The following TBC1D23 variants were observed in gnomAD, a reference collection of about 807,000 sequenced individuals.
TBC1D23 encodes HCV non-structural protein 4A-transactivated protein 1.
TBC1D23 carries 55 observed loss-of-function variants against 91.4 expected under a neutral mutation model. The observed-to-expected ratio is 0.60, with a 90% CI of 0.48 to 0.75. The LOEUF is 0.75. Among genes scored for constraint, TBC1D23 ranks in the 30% least tolerant of loss-of-function variants. TBC1D23 has a pLI of 0.00. For missense variants in TBC1D23, 725 were observed against 836.1 expected, an observed-to-expected ratio of 0.87 and a Z score of 1.64; for synonymous variants, 289 against 281.0, an observed-to-expected ratio of 1.03 and a Z score of -0.28.
At chr3:100,318,211 G>A (rs1705788827) in intron 16 of TBC1D23, among the ~76,000 whole-genome samples, 2 of 151,898 alleles carry the variant, frequency 1.3e-5, no homozygotes, top group Admixed American at 1.3e-4. Context: ...TTGTTAGAAA[G>A]CAAAGGACAG....
chr3:100,261,011 C>A lies in TBC1D23; in HGVS notation c.-8C>A. The A allele has an allele frequency of 6.2e-7, 1 of 1,613,688 alleles. No homozygotes were observed. ...CTTTTCGGCAAAGTGACGTGGACGT[C>A]AACAGCAATGGCGGAAGGAGAAGAT... On this transcript the variant is annotated 5_prime_UTR_variant, in exon 1 of 19. Coordinates refer to ENST00000394144, the MANE Select transcript of TBC1D23 (RefSeq NM_001199198.3).
chr3:100,320,223 G>A (rs535394122), intron 17 of TBC1D23, among the ~76,000 whole-genome samples: 1 of 147,628 alleles, frequency 6.8e-6, no homozygotes, highest in East Asian at 2.0e-4. Context: ...GATAACTGTC[G>A]TATTGTATTA....
In TBC1D23 at chr3:100,261,040, C is replaced by T. The variant is rs41272615; in HGVS notation, c.22C>T (p.Pro8Ser). The T allele has an allele frequency of 6.2e-7, 1 of 1,613,904 alleles. No homozygotes were observed. Among genetic ancestry groups the T allele is most frequent in the Non-Finnish European group, 8.5e-7 (1 of 1,179,908 alleles). ...AGCAATGGCGGAAGGAGAAGATGTG[C>T]CGCCGCTGCCAACGTCGAGCGGCGA... MAEGEDV[P>S]PLPTSSGDGW... is the part of the protein sequence containing the mutation. Residue 8 changes from proline (P) to serine (S), a missense_variant, in exon 1 of 19, where the codon CCG becomes TCG. Physicochemically the swap from Pro to Ser is moderately conservative, Grantham distance 74 (BLOSUM62 -1). Coordinates refer to ENST00000394144, the MANE Select transcript of TBC1D23 (RefSeq NM_001199198.3).
intron 1 of TBC1D23, among the ~76,000 whole-genome samples, chr3:100,264,838 C>T (rs1179317400): frequency 6.6e-6 from 1 of 152,152 alleles, no homozygotes; most frequent in Non-Finnish European, 1.5e-5. Flanking sequence ...TTCACTGCTT[C>T]TCAAAATTTA....
At chr3:100,293,936 ATTAGC>A (rs2067815495) in intron 5 of TBC1D23, among the ~76,000 whole-genome samples, 1 of 152,248 alleles carries the variant, frequency 6.6e-6, no homozygotes, top group Non-Finnish European at 1.5e-5. Context: ...ATAGTTTAGT[ATTAGC>A]TTAGTATTGC....
intron 1 of TBC1D23, among the ~76,000 whole-genome samples, chr3:100,266,824 G>A (rs1417089049): frequency 6.6e-6 from 1 of 152,202 alleles, no homozygotes. Context: ...CTTCTGGAGA[G>A]AATTGAGAAA....
rs1255497348 is a variant in TBC1D23, at chr3:100,302,165, C to T, written c.1191C>T (p.His397=). The part of the protein sequence containing the change: ...IESGSIAGGE[H]LCFMGSGREE... Reference sequence around the variant, plus strand: ...CTGGCTCCATAGCTGGTGGGGAGCACCTCTGTTTTATGGGCAGTGGCAGGG... The same window carrying T: ...CTGGCTCCATAGCTGGTGGGGAGCATCTCTGTTTTATGGGCAGTGGCAGGG... Residue 397 remains histidine, a synonymous_variant, in exon 11 of 19, where the codon CAC becomes CAT. Coordinates refer to ENST00000394144, the MANE Select transcript of TBC1D23 (RefSeq NM_001199198.3). 2.5e-6 allele frequency: 4 copies of T among 1,613,834 alleles called. No individual in the cohort carries two copies. The highest frequency in any genetic ancestry group is 1.7e-5 in the Admixed American group (1 of 59,986).
In TBC1D23 at chr3:100,323,812, A is replaced by G. The variant is rs1349207713; in HGVS notation, c.*144A>G. 6.2e-6 allele frequency: 2 copies of G among 322,452 alleles called. No homozygotes were observed. The highest frequency in any genetic ancestry group is 1.1e-5 in the Non-Finnish European group (2 of 175,878). The allele number at this position is 322,452 out of a possible 1,614,324, so 20.0% of individuals were successfully genotyped here. A position where few individuals can be genotyped will look rare whatever the true frequency, so the allele number is the denominator to read the frequency against. ...GGTCTAAGAAAGTGTAAATTATTATAATCAATCTGTGGACAGTAAACTTTT... is the reference window on the plus strand; with the variant it reads ...GGTCTAAGAAAGTGTAAATTATTATGATCAATCTGTGGACAGTAAACTTTT... On this transcript the variant is annotated 3_prime_UTR_variant, in exon 19 of 19. Transcript: ENST00000394144.
intron 15 of TBC1D23, among the ~76,000 whole-genome samples, chr3:100,313,640 C>T (rs1203988686): frequency 1.3e-5 from 2 of 152,156 alleles, no homozygotes; most frequent in Non-Finnish European, 2.9e-5. Flanking sequence ...TATCTGGTTA[C>T]AGCAAATGCT....
chr3:100,296,271 GGAAGGTAT>G lies in TBC1D23; in HGVS notation c.873_876+4del. The G allele has an allele frequency of 6.3e-7, 1 of 1,583,146 alleles. No individual in the cohort carries two copies. Among genetic ancestry groups the G allele is most frequent in the Non-Finnish European group, 8.6e-7 (1 of 1,156,794 alleles). On this transcript the variant is annotated splice_donor_variant and splice_donor_region_variant and coding_sequence_variant and intron_variant, in exon 8 of 19. Coordinates refer to ENST00000394144, the MANE Select transcript of TBC1D23 (RefSeq NM_001199198.3). LOFTEE classifies it high-confidence loss of function. ...TGCAGCAAAACACCGGCTTCTTTTA[GGAAGGTAT>G]AAGACCAGAAATGACCAACTATGTT...
At chr3:100,309,549 A>C (rs922507978) in intron 13 of TBC1D23, among the ~76,000 whole-genome samples, 21 of 151,694 alleles carry the variant, frequency 1.4e-4, no homozygotes, top group African/African-American at 4.3e-4. Context: ...AATAAAAAAG[A>C]TAATGTCAGA....
intron 8 of TBC1D23, among the ~76,000 whole-genome samples, chr3:100,296,652 G>A (rs1165811501): frequency 6.6e-6 from 1 of 152,058 alleles, no homozygotes; most frequent in Non-Finnish European, 1.5e-5. Context: ...GAGGTCGGGA[G>A]ATCGAGACCA....
intron 4 of TBC1D23, among the ~76,000 whole-genome samples, chr3:100,286,216 A>G (rs1237740373): frequency 6.6e-6 from 1 of 152,230 alleles, no homozygotes; most frequent in African/African-American, 2.4e-5. Flanking sequence ...TCAACTGCCT[A>G]TATTTTAGCA....
intron 4 of TBC1D23, among the ~76,000 whole-genome samples, chr3:100,289,807 A>G (rs1428734817): frequency 6.6e-6 from 1 of 152,174 alleles, no homozygotes; most frequent in African/African-American, 2.4e-5. Context: ...TGTTATATAA[A>G]TAAATTGTGT....
chr3:100,286,501 C>CTTTTTTTT (rs11370481), intron 4 of TBC1D23, among the ~76,000 whole-genome samples: 1 of 146,364 alleles, frequency 6.8e-6, no homozygotes, highest in Non-Finnish European at 1.5e-5. Context: ...AACATATCTT[C>CTTTTTTTT]TTTTTTTTTT....
Position 100,288,049 on chromosome 3 carries a change from C to A in TBC1D23, c.477-2529C>A, listed in dbSNP as rs527863543. Among the ~76,000 whole-genome samples the A allele has an allele frequency of 1.1e-4, 16 of 151,788 alleles. No homozygotes were observed. In the South Asian group the frequency reaches 2.9e-3, roughly 28 times the overall value. On this transcript the variant is annotated intron_variant, in intron 4 of 18. Coordinates refer to ENST00000394144, the MANE Select transcript of TBC1D23 (RefSeq NM_001199198.3). ...TTGACCCCAGGAGTTTGAGACCAGC[C>A]GAGGCAACATAGTGAGACCCTGATC...
intron 14 of TBC1D23, among the ~76,000 whole-genome samples, chr3:100,311,109 A>C (rs1705617254): frequency 6.6e-6 from 1 of 152,130 alleles, no homozygotes; most frequent in Non-Finnish European, 1.5e-5. Flanking sequence ...CTGAGGATAC[A>C]TTTTTTTCTC....
At chr3:100,297,824 TATTATA>T in intron 8 of TBC1D23, 93 bp from the exon 9 acceptor site, 1 of 987,140 alleles carries the variant, frequency 1.0e-6, no homozygotes, top group South Asian at 1.9e-5. Context: ...AACTCAAGAG[TATTATA>T]ATTTTACCTT....
chr3:100,301,318 C>T (rs1273653745), intron 10 of TBC1D23, among the ~76,000 whole-genome samples: 1 of 149,960 alleles, frequency 6.7e-6, no homozygotes, highest in Non-Finnish European at 1.5e-5. Context: ...CGTTTCAGAA[C>T]TCTAAATGAG....
Sources: gnomAD v4.1 joint callset for allele counts (sites outside exome capture counted in the v4.1 genomes callset) on GRCh38, gnomAD v4.1.1 for gene constraint, MANE v1.5 for transcripts, NCBI Gene and HGNC (gene_info 2026-07-23, HGNC 2026-07-21) for gene names.